Variants in PBRM1 observed in about 807,000 individuals in gnomAD.
PBRM1 encodes the protein polybromo 1.
Under a neutral mutation model 194.5 loss-of-function variants are expected in PBRM1, and 27 were observed. The ratio of observed to expected loss-of-function variants is 0.14; its 90% CI spans 0.10 to 0.19. PBRM1 has a LOEUF of 0.19. PBRM1 is among the 10% of genes least tolerant of loss of function. The pLI, the probability that PBRM1 is intolerant of heterozygous loss-of-function variation, is 1.00. For synonymous variants in PBRM1, 655 were observed against 693.2 expected, an observed-to-expected ratio of 0.94 and a Z score of 0.87; for missense variants, 1,466 against 2,077.2, an observed-to-expected ratio of 0.71 and a Z score of 5.72.
intron 17 of PBRM1, among the ~76,000 whole-genome samples, chr3:52,601,022 T>C (rs973277107): frequency 1.2e-4 from 18 of 152,234 alleles, no homozygotes; most frequent in African/African-American, 4.1e-4. Context: ...TTTTTCTTGA[T>C]TCCTGTGTCC....
chr3:52,672,938 A>G (rs773439314), intron 2 of PBRM1, among the ~76,000 whole-genome samples: 8 of 152,142 alleles, frequency 5.3e-5, no homozygotes, highest in Non-Finnish European at 8.8e-5. Context: ...CCTTTTAACT[A>G]TCACTGTGAC....
At chr3:52,684,167 CAAAAAAAAAAAA>C (rs66702174), upstream of PBRM1, among the ~76,000 whole-genome samples, 562 of 75,732 alleles carry the variant, frequency 7.4e-3, 8 homozygotes, top group South Asian at 0.059. Flanking sequence ...GACCTTGTCT[CAAAAAAAAAAAA>C]AAAAAAAAAA....
chr3:52,586,831 A>T (rs2092463949), intron 19 of PBRM1, 143 bp from the exon 22 acceptor site: 1 of 628,824 alleles, frequency 1.6e-6, no homozygotes, highest in Non-Finnish European at 2.7e-6. Context: ...GTTAACAAAA[A>T]ATAATAAATG....
chr3:52,556,038 G>A (rs1301940047), intron 26 of PBRM1, among the ~76,000 whole-genome samples: 1 of 152,168 alleles, frequency 6.6e-6, no homozygotes, highest in African/African-American at 2.4e-5. Flanking sequence ...GGAGGGTTGA[G>A]GGACTGGTGC....
chr3:52,642,608 CA>C (rs201394004), intron 9 of PBRM1, among the ~76,000 whole-genome samples: 16,145 of 97,504 alleles, frequency 0.17, 2,355 homozygotes, highest in African/African-American at 0.43. Flanking sequence ...AACTTCGTCT[CA>C]AAAAAAAAAA....
intron 22 of PBRM1, among the ~76,000 whole-genome samples, chr3:52,573,237 C>G (rs1215630682): frequency 6.6e-6 from 1 of 152,062 alleles, no homozygotes; most frequent in Non-Finnish European, 1.5e-5. Flanking sequence ...AAATGAGATC[C>G]TGGATATAAA....
At chr3:52,645,389 C>T (rs934268012) in intron 7 of PBRM1, among the ~76,000 whole-genome samples, 11 of 151,536 alleles carry the variant, frequency 7.3e-5, no homozygotes, top group African/African-American at 2.7e-4. Flanking sequence ...TCTCAAACCC[C>T]TATCTTCAAG....
chr3:52,594,783 A>G (rs766050376), intron 17 of PBRM1, among the ~76,000 whole-genome samples: 1 of 152,152 alleles, frequency 6.6e-6, no homozygotes, highest in African/African-American at 2.4e-5. Context: ...AAATTCCCTC[A>G]GCATCTGCTT....
intron 3 of PBRM1, among the ~76,000 whole-genome samples, chr3:52,666,115 T>G (rs191398383): frequency 3.3e-5 from 5 of 152,160 alleles, no homozygotes; most frequent in African/African-American, 9.6e-5. Flanking sequence ...AATAACAAAA[T>G]GCACTGAAGA....
At chr3:52,601,050 A>G (rs2093955242) in intron 17 of PBRM1, among the ~76,000 whole-genome samples, 1 of 152,156 alleles carries the variant, frequency 6.6e-6, no homozygotes, top group Admixed American at 6.6e-5. Flanking sequence ...CATTGATATT[A>G]TATGTGTGTC....
intron 2 of PBRM1, among the ~76,000 whole-genome samples, chr3:52,674,088 C>T (rs905586109): frequency 2.0e-5 from 3 of 151,232 alleles, no homozygotes; most frequent in African/African-American, 7.3e-5. Context: ...ATATAGAATG[C>T]AGATAAACGA....
At chr3:52,578,503 T>C (rs1301162825) in intron 21 of PBRM1, among the ~76,000 whole-genome samples, 3 of 152,192 alleles carry the variant, frequency 2.0e-5, no homozygotes, top group Non-Finnish European at 4.4e-5. Flanking sequence ...GCCACTATCC[T>C]CTCCTACCCA....
upstream of PBRM1, chr3:52,685,874 C>T (rs1227403298): frequency 1.8e-6 from 1 of 543,544 alleles, no homozygotes; most frequent in Non-Finnish European, 3.2e-6. Context: ...GCACCCGCCG[C>T]CCTCACCTCC....
In PBRM1 at chr3:52,634,205, G is replaced by A. The variant is rs189154048; in HGVS notation, c.1301+397C>T. On this transcript the variant is annotated intron_variant, in intron 11 of 29. Coordinates refer to ENST00000296302, the Ensembl canonical transcript of PBRM1. ...TGTAATCCCAGCACTTTGGGAGGCC[G>A]AGGTGGGCAGATCATGAGGTCAGGA... Among the ~76,000 whole-genome samples the A allele has an allele frequency of 5.6e-3, 846 of 152,178 alleles. 12 individuals are homozygous for A. Among genetic ancestry groups the A allele is most frequent in the African/African-American group, 0.019 (806 of 41,518 alleles).
At chr3:52,644,837 C>G (rs2153733492) in intron 7 of PBRM1, 48 bp from the exon 9 acceptor site, 1 of 882,696 alleles carries the variant, frequency 1.1e-6, no homozygotes, top group East Asian at 2.5e-5. Flanking sequence ...GATAAAAGGA[C>G]AGCTTAATGC....
chr3:52,590,637 TTC>T (rs2092935006), intron 17 of PBRM1, among the ~76,000 whole-genome samples: 1 of 151,580 alleles, frequency 6.6e-6, no homozygotes, highest in Non-Finnish European at 1.5e-5. Context: ...ACATTAAATT[TTC>T]TTTTTCTTTT....
At chr3:52,559,442 C>T (rs546982365) in intron 25 of PBRM1, among the ~76,000 whole-genome samples, 1 of 152,158 alleles carries the variant, frequency 6.6e-6, no homozygotes, top group African/African-American at 2.4e-5. Flanking sequence ...CTTGTCTCAC[C>T]ATTCATAAAT....
At position 52,609,723 on chromosome 3, in the gene PBRM1, T is replaced by G. The variant is rs2094517108; in HGVS notation, c.2157A>C (p.Gln719His). The G allele has an allele frequency of 6.2e-7, 1 of 1,610,650 alleles. No individual in the cohort carries two copies. The highest frequency in any genetic ancestry group is 1.3e-5 in the African/African-American group (1 of 74,744). ...AGTCCTCAACCATAGAGTCAATATC[T>G]TGGTACTTGTTGGCCATCATGTGAC... The change falls in exon 16 of 30, where the codon CAA (glutamine) becomes CAC (histidine). Residue 719 changes from glutamine to histidine, a missense_variant. Gln to His is a conservative substitution (Grantham distance 24, BLOSUM62 0). Transcript: ENST00000296302. This position sits in a 1 kb window ranked among gnomAD's most constrained non-coding sequence, Gnocchi z 4.1.
chr3:52,576,225 A>G (rs2089559590), intron 22 of PBRM1, among the ~76,000 whole-genome samples: 1 of 152,182 alleles, frequency 6.6e-6, no homozygotes, highest in South Asian at 2.1e-4. Flanking sequence ...AAAAAAAACT[A>G]TCAATGGAGA....
Sources: gnomAD v4.1 joint callset for allele counts (sites outside exome capture counted in the v4.1 genomes callset) on GRCh38, gnomAD v4.1.1 for gene constraint, Gnocchi (gnomAD v3.1) non-coding constraint, MANE v1.5 for transcripts, NCBI Gene and HGNC (gene_info 2026-07-23, HGNC 2026-07-21) for gene names.